Variants in HIBADH observed in about 807,000 individuals in gnomAD.
HIBADH encodes 3-hydroxyisobutyrate dehydrogenase.
In HIBADH, 25 loss-of-function variants were observed where a neutral mutation model predicts 36.1. The observed-to-expected ratio is 0.69, with a 90% CI of 0.50 to 0.97. The LOEUF (loss-of-function observed/expected upper bound fraction) is 0.97. Among genes scored for constraint, HIBADH ranks in the 50% least tolerant of loss-of-function variants. The pLI, the probability that HIBADH is intolerant of heterozygous loss-of-function variation, is 0.00. For missense variants in HIBADH, 421 were observed against 418.0 expected, an observed-to-expected ratio of 1.01 and a Z score of -0.06; for synonymous variants, 160 against 149.5, an observed-to-expected ratio of 1.07 and a Z score of -0.51.
chr7:27,543,201 C>T (rs562814983), intron 4 of HIBADH, 101 bp from the exon 5 acceptor site: 5 of 1,208,954 alleles, frequency 4.1e-6, no homozygotes, highest in Admixed American at 2.2e-5. Context: ...AACATCCTGC[C>T]TCCAATCTGT....
intron 4 of HIBADH, among the ~76,000 whole-genome samples, chr7:27,570,485 G>A (rs1784612737): frequency 6.6e-6 from 1 of 152,136 alleles, no homozygotes; most frequent in Admixed American, 6.6e-5. Flanking sequence ...TCTAGAAGAG[G>A]CAAAACTATG....
intron 5 of HIBADH, among the ~76,000 whole-genome samples, chr7:27,541,152 C>T (rs1326884757): frequency 3.4e-5 from 5 of 147,534 alleles, no homozygotes; most frequent in South Asian, 2.1e-4. Flanking sequence ...TTTTTTTCTC[C>T]GTAATAGGGC....
chr7:27,534,504 A>G (rs1319730244), intron 6 of HIBADH, among the ~76,000 whole-genome samples: 1 of 152,194 alleles, frequency 6.6e-6, no homozygotes, highest in East Asian at 1.9e-4. Flanking sequence ...ACCCACCTGG[A>G]TAACTTTTAC....
intron 5 of HIBADH, 77 bp downstream of exon 5, chr7:27,542,890 A>C (rs1392845172): frequency 7.1e-7 from 1 of 1,414,362 alleles, no homozygotes; most frequent in Non-Finnish European, 9.7e-7. Context: ...GAAGAATAAA[A>C]ATATGGTCAG....
At chr7:27,651,403 G>A (rs532722300) in intron 1 of HIBADH, among the ~76,000 whole-genome samples, 15 of 152,012 alleles carry the variant, frequency 9.9e-5, no homozygotes, top group African/African-American at 3.6e-4. Context: ...TTGTCTTTCT[G>A]GCCTGCAAGG....
chr7:27,637,413 G>T (rs904583331), intron 2 of HIBADH, among the ~76,000 whole-genome samples: 3 of 152,144 alleles, frequency 2.0e-5, no homozygotes, highest in African/African-American at 7.2e-5. Context: ...GATGCTAAAA[G>T]TTGAAATGAT....
chr7:27,609,303 G>A (rs1785284797), intron 4 of HIBADH, among the ~76,000 whole-genome samples: 1 of 152,092 alleles, frequency 6.6e-6, no homozygotes, highest in Admixed American at 6.6e-5. Context: ...ATGAATTACT[G>A]TCTATGACAA....
At chr7:27,657,224 C>T (rs1466364508) in intron 1 of HIBADH, among the ~76,000 whole-genome samples, 2 of 151,900 alleles carry the variant, frequency 1.3e-5, no homozygotes, top group Non-Finnish European at 2.9e-5. Flanking sequence ...TGGATTTATC[C>T]AGAAATACAA....
intron 1 of HIBADH, among the ~76,000 whole-genome samples, chr7:27,661,384 T>C (rs144994378): frequency 1.5e-3 from 223 of 152,196 alleles, no homozygotes; most frequent in Non-Finnish European, 2.7e-3. Context: ...GCGCAGGAGT[T>C]CAAGACCAGC....
chr7:27,556,549 A>G (rs987571963), intron 4 of HIBADH, among the ~76,000 whole-genome samples: 1 of 152,122 alleles, frequency 6.6e-6, no homozygotes, highest in African/African-American at 2.4e-5. Flanking sequence ...CTTCTTACAC[A>G]TTTTTTAAAA....
chr7:27,533,918 AT>A, intron 6 of HIBADH, among the ~76,000 whole-genome samples: 1 of 152,332 alleles, frequency 6.6e-6, no homozygotes, highest in South Asian at 2.1e-4. Flanking sequence ...AGCTCAAGCC[AT>A]CAAAAGAATG....
chr7:27,531,360 C>T lies in HIBADH; in HGVS notation c.696-12G>A. On this transcript the variant is annotated splice_polypyrimidine_tract_variant and intron_variant, in intron 6 of 7. Coordinates refer to ENST00000265395, the MANE Select transcript of HIBADH (RefSeq NM_152740.4). ...GGTCAAGCCCTAACCTGTCAAAGGT[C>T]AAAGAAAAGAAGTGTTAAGTGTCAA... is the stretch of plus-strand genomic sequence containing the variant. 5 of 1,596,348 alleles carry T rather than the reference C, an allele frequency of 3.1e-6. No homozygotes were observed. The highest frequency in any genetic ancestry group is 4.3e-6 in the Non-Finnish European group (5 of 1,168,862).
intron 4 of HIBADH, among the ~76,000 whole-genome samples, chr7:27,574,589 A>AT: frequency 6.6e-6 from 1 of 152,178 alleles, no homozygotes; most frequent in African/African-American, 2.4e-5. Context: ...CAGACATGCA[A>AT]AACTTTATTA....
intron 4 of HIBADH, among the ~76,000 whole-genome samples, chr7:27,543,433 C>G (rs185115800): frequency 6.0e-4 from 91 of 152,124 alleles, no homozygotes; most frequent in African/African-American, 2.1e-3. Flanking sequence ...CCTAAGAAAC[C>G]TACTAAGTTA....
intron 6 of HIBADH, among the ~76,000 whole-genome samples, chr7:27,534,744 T>C (rs1784049199): frequency 6.6e-6 from 1 of 151,886 alleles, no homozygotes; most frequent in African/African-American, 2.4e-5. Context: ...GTGAGACATG[T>C]TAGGAAGAAA....
Position 27,645,368 on chromosome 7 carries a change from ATT to A in HIBADH, c.252+4103_252+4104del, listed in dbSNP as rs762685685. On this transcript the variant is annotated intron_variant, in intron 2 of 7. Coordinates refer to ENST00000265395, the MANE Select transcript of HIBADH (RefSeq NM_152740.4). ...CTAGTGGGTGTGTCTCATGGTTTTG[ATT>A]TTTTTTTTTTTTTTTTTTTTTTTTT... 8.9e-3 allele frequency among the ~76,000 whole-genome samples: 532 copies of A among 59,592 alleles called. 75 individuals carry two copies. Among genetic ancestry groups the A allele is most frequent in the Non-Finnish European group, 0.011 (362 of 31,768 alleles). 39.1% of individuals were successfully genotyped at this position (59,592 alleles called of 152,430 possible). A position where few individuals can be genotyped will look rare whatever the true frequency, so the allele number is the denominator to read the frequency against.
intron 4 of HIBADH, among the ~76,000 whole-genome samples, chr7:27,552,767 T>G (rs1334232610): frequency 6.6e-6 from 1 of 152,248 alleles, no homozygotes; most frequent in Admixed American, 6.5e-5. Context: ...CTTACCTTAA[T>G]GCACCTGTTC....
intron 1 of HIBADH, among the ~76,000 whole-genome samples, 191 bp downstream of exon 1, chr7:27,662,507 G>A (rs1481903441): frequency 2.6e-5 from 4 of 152,182 alleles, no homozygotes; most frequent in Non-Finnish European, 5.9e-5. Context: ...AGGGAGGGAA[G>A]GCAGAGGGGG....
chr7:27,542,682 G>C (rs1723465515), intron 5 of HIBADH, among the ~76,000 whole-genome samples: 2 of 151,798 alleles, frequency 1.3e-5, no homozygotes, highest in Admixed American at 1.3e-4. Flanking sequence ...AAACTCCTGG[G>C]CTTGAGTGAT....
Sources: gnomAD v4.1 joint callset for allele counts (sites outside exome capture counted in the v4.1 genomes callset) on GRCh38, gnomAD v4.1.1 for gene constraint, MANE v1.5 for transcripts, NCBI Gene and HGNC (gene_info 2026-07-23, HGNC 2026-07-21) for gene names.